The following SPCS2 variants were observed in gnomAD, a reference collection of about 807,000 sequenced individuals.
SPCS2 encodes the protein signal peptidase complex subunit 2, also known as SPase 25 kDa subunit.
In SPCS2, 3 loss-of-function variants were observed where a neutral mutation model predicts 22.3. The observed-to-expected ratio is 0.13, with a 90% CI of 0.06 to 0.35. SPCS2 has a LOEUF of 0.35. Ranked by LOEUF, SPCS2 falls within the 10% of genes least tolerant of loss-of-function variation. SPCS2 has a pLI of 1.00. For missense variants in SPCS2, 169 were observed against 280.9 expected, an observed-to-expected ratio of 0.60 and a Z score of 2.85; for synonymous variants, 67 against 97.2, an observed-to-expected ratio of 0.69 and a Z score of 1.83.
At chr11:74,958,828 T>C (rs1253574059) in intron 1 of SPCS2, among the ~76,000 whole-genome samples, 2 of 152,160 alleles carry the variant, frequency 1.3e-5, no homozygotes, top group African/African-American at 4.8e-5. Flanking sequence ...TGTTGAGCAT[T>C]GAGGCTCTGC....
rs1402347793 is a variant in SPCS2, at chr11:74,978,803, G to A, written c.*1760G>A. The A allele has an allele frequency of 6.6e-6, 1 of 152,160 alleles. No individual in the cohort carries two copies. The highest frequency in any genetic ancestry group is 2.4e-5 in the African/African-American group (1 of 41,422). The allele number at this position is 152,160 out of a possible 1,614,324, so 9.4% of individuals were successfully genotyped here. On this transcript the variant is annotated 3_prime_UTR_variant, in exon 5 of 5. Coordinates refer to ENST00000263672, the MANE Select transcript of SPCS2 (RefSeq NM_014752.3). Reference sequence around the variant, plus strand: ...GTTAGACACAAGGGTCTCGAGGCTTGCAGATAGAGACTGAATAACCCTCTC... The same window carrying A: ...GTTAGACACAAGGGTCTCGAGGCTTACAGATAGAGACTGAATAACCCTCTC...
At chr11:74,959,447 C>T (rs1348936271) in intron 1 of SPCS2, among the ~76,000 whole-genome samples, 1 of 152,192 alleles carries the variant, frequency 6.6e-6, no homozygotes, top group Admixed American at 6.5e-5. Flanking sequence ...GGCTGGAGTG[C>T]AGTGGCACAA....
chr11:74,959,045 C>T (rs950326866), intron 1 of SPCS2, among the ~76,000 whole-genome samples: 2 of 152,202 alleles, frequency 1.3e-5, no homozygotes, highest in Non-Finnish European at 2.9e-5. Flanking sequence ...GATGCCTCAT[C>T]TCCTACTACT....
At chr11:74,974,884 G>T (rs555934155) in intron 4 of SPCS2, among the ~76,000 whole-genome samples, 1 of 152,252 alleles carries the variant, frequency 6.6e-6, no homozygotes, top group African/African-American at 2.4e-5. Flanking sequence ...AAAGTGCTGG[G>T]ATTATAGGTA....
At chr11:74,964,857 A>G (rs1948534335) in intron 1 of SPCS2, among the ~76,000 whole-genome samples, 177 bp from the exon 2 acceptor site, 1 of 152,180 alleles carries the variant, frequency 6.6e-6, no homozygotes, top group African/African-American at 2.4e-5. Flanking sequence ...TGCTTCTTGC[A>G]GGGCTACCCC....
chr11:74,974,502 CT>C (rs1160897173), intron 4 of SPCS2, among the ~76,000 whole-genome samples: 13 of 152,222 alleles, frequency 8.5e-5, no homozygotes, highest in African/African-American at 2.9e-4. Context: ...CTCAGTCCTT[CT>C]TTAGTCTGTC....
At chr11:74,963,455 T>TAA in intron 1 of SPCS2, 2 of 293,624 alleles carry the variant, frequency 6.8e-6, no homozygotes, top group East Asian at 1.0e-4. Flanking sequence ...GAATCACAGT[T>TAA]AAAAAAAAAA....
intron 1 of SPCS2, chr11:74,963,624 G>T: frequency 2.3e-6 from 1 of 437,852 alleles, no homozygotes; most frequent in South Asian, 1.6e-5. Context: ...TGCCCAGGCT[G>T]GACTCGAGCT....
chr11:74,971,155 C>G (rs1042020388), intron 4 of SPCS2, among the ~76,000 whole-genome samples: 1 of 152,134 alleles, frequency 6.6e-6, no homozygotes, highest in Non-Finnish European at 1.5e-5. Context: ...CAATTACTTC[C>G]TATGTATACT....
intron 1 of SPCS2, among the ~76,000 whole-genome samples, chr11:74,954,944 G>A (rs1029625548): frequency 1.3e-5 from 2 of 152,146 alleles, no homozygotes; most frequent in Non-Finnish European, 2.9e-5. Flanking sequence ...GAAGACGTAC[G>A]AATGGCCCAT....
chr11:74,972,894 A>ATT (rs35593566), intron 4 of SPCS2, among the ~76,000 whole-genome samples: 1 of 110,766 alleles, frequency 9.0e-6, no homozygotes, highest in Non-Finnish European at 2.2e-5. Context: ...ATATATATAT[A>ATT]TTTTTTTTTT....
At chr11:74,957,509 T>G (rs921272157) in intron 1 of SPCS2, among the ~76,000 whole-genome samples, 8 of 152,204 alleles carry the variant, frequency 5.3e-5, no homozygotes, top group African/African-American at 1.9e-4. Context: ...TCTGTATCAA[T>G]GTAGTACATT....
intron 1 of SPCS2, among the ~76,000 whole-genome samples, chr11:74,962,155 G>A (rs1288409534): frequency 6.6e-6 from 1 of 152,184 alleles, no homozygotes; most frequent in Admixed American, 6.5e-5. Flanking sequence ...ATTGACCTGT[G>A]TAAGGGATAT....
chr11:74,956,253 T>C (rs1044379573), intron 1 of SPCS2, among the ~76,000 whole-genome samples: 83 of 152,250 alleles, frequency 5.5e-4, no homozygotes, highest in African/African-American at 1.9e-3. Flanking sequence ...TAGAAGTTGC[T>C]GACTTCTACA....
chr11:74,959,233 A>G (rs1948496623), intron 1 of SPCS2, among the ~76,000 whole-genome samples: 1 of 152,206 alleles, frequency 6.6e-6, no homozygotes. Context: ...TTTGAGTCTT[A>G]TTATCAAGCC....
At chr11:74,975,447 C>T (rs1023489292) in intron 4 of SPCS2, among the ~76,000 whole-genome samples, 4 of 152,100 alleles carry the variant, frequency 2.6e-5, no homozygotes, top group Non-Finnish European at 5.9e-5. Flanking sequence ...ATATCCTTAC[C>T]ATCTAAAACT....
chr11:74,958,831 G>A (rs1187868610), intron 1 of SPCS2, among the ~76,000 whole-genome samples: 1 of 151,934 alleles, frequency 6.6e-6, no homozygotes. Flanking sequence ...TGAGCATTGA[G>A]GCTCTGCACT....
chr11:74,965,162 G>A, intron 2 of SPCS2, 45 bp downstream of exon 2: 1 of 1,251,544 alleles, frequency 8.0e-7, no homozygotes, highest in Non-Finnish European at 1.1e-6. Flanking sequence ...ACAGCTGATG[G>A]CCATCTCTCC....
At chr11:74,951,665 C>G (rs1024079714) in intron 1 of SPCS2, among the ~76,000 whole-genome samples, 3 of 151,842 alleles carry the variant, frequency 2.0e-5, no homozygotes, top group Non-Finnish European at 4.4e-5. Flanking sequence ...ACAAAATTAG[C>G]GAAGTGTGGT....
Sources: gnomAD v4.1 joint callset for allele counts (sites outside exome capture counted in the v4.1 genomes callset) on GRCh38, gnomAD v4.1.1 for gene constraint, MANE v1.5 for transcripts, NCBI Gene and HGNC (gene_info 2026-07-23, HGNC 2026-07-21) for gene names.